The following HMG20A variants were observed in gnomAD, a reference collection of about 807,000 sequenced individuals.
HMG20A encodes the protein high mobility group protein 20A.
A neutral mutation model predicts 43.9 loss-of-function variants in HMG20A; 17 were observed. The ratio of observed to expected loss-of-function variants is 0.39; its 90% CI spans 0.27 to 0.58. The LOEUF is 0.58. Ranked by LOEUF, HMG20A falls within the 20% of genes least tolerant of loss-of-function variation. The probability of loss-of-function intolerance (pLI) is 0.59; values close to 1 mark genes in which losing one functional copy is unlikely to be tolerated. For synonymous variants in HMG20A, 132 were observed against 147.5 expected (o/e 0.89, Z 0.76); for missense variants, 341 against 438.2 (o/e 0.78, Z 1.98).
At chr15:77,443,536 C>T (rs368079056) in intron 1 of HMG20A, among the ~76,000 whole-genome samples, 3 of 150,082 alleles carry the variant, frequency 2.0e-5, no homozygotes, top group East Asian at 2.0e-4. Flanking sequence ...GGATTACAGG[C>T]GCCCACCACC....
chr15:77,485,688 C>G (rs1267468989), downstream of HMG20A: 1 of 152,214 alleles, frequency 6.6e-6, no homozygotes, highest in Non-Finnish European at 1.5e-5. Flanking sequence ...AATCCCAACA[C>G]TTTGGAAGGC....
the HMG20A span, among the ~76,000 whole-genome samples, chr15:77,504,223 G>A: frequency 3.3e-5 from 5 of 152,220 alleles, no homozygotes; most frequent in African/African-American, 4.8e-5. Flanking sequence ...CCCACACCTA[G>A]CCTAGTGGCA....
the HMG20A span, among the ~76,000 whole-genome samples, chr15:77,500,857 C>T: frequency 6.6e-6 from 1 of 151,692 alleles, no homozygotes; most frequent in Non-Finnish European, 1.5e-5. Context: ...GCATGAGCCA[C>T]CGCGCCTGGC....
chr15:77,449,912 A>T (rs181237816), intron 1 of HMG20A, among the ~76,000 whole-genome samples: 1 of 152,242 alleles, frequency 6.6e-6, no homozygotes, highest in South Asian at 2.1e-4. Flanking sequence ...TATCACGTAG[A>T]AAGTTTCACT....
chr15:77,468,597 T>TCA (rs141417839), intron 4 of HMG20A, among the ~76,000 whole-genome samples: 8,379 of 147,672 alleles, frequency 0.057, 556 homozygotes, highest in African/African-American at 0.17. Flanking sequence ...TCTCTCTCTG[T>TCA]CACACACACA....
At chr15:77,493,977 A>G in the HMG20A span, among the ~76,000 whole-genome samples, 1 of 152,274 alleles carries the variant, frequency 6.6e-6, no homozygotes, top group African/African-American at 2.4e-5. Context: ...CTGGACTTGG[A>G]ATGACTTTTA....
intron 1 of HMG20A, among the ~76,000 whole-genome samples, chr15:77,454,164 A>T (rs2072632980): frequency 7.4e-6 from 1 of 135,692 alleles, no homozygotes; most frequent in African/African-American, 2.8e-5. Context: ...CCTGTCTCTT[A>T]AAAAAAAAAA....
At chr15:77,421,186 T>G in intron 1 of HMG20A, 182 bp downstream of exon 1, 5 of 272,696 alleles carry the variant, frequency 1.8e-5, no homozygotes, top group East Asian at 6.2e-5. Context: ...GGGGACACCC[T>G]CACTTCCTGT....
the HMG20A span, among the ~76,000 whole-genome samples, chr15:77,506,005 C>A: frequency 6.6e-6 from 1 of 151,718 alleles, no homozygotes; most frequent in Non-Finnish European, 1.5e-5. Flanking sequence ...GGATAAACTA[C>A]CTGAGTTTCT....
At chr15:77,467,921 A>G (rs994577941) in intron 4 of HMG20A, among the ~76,000 whole-genome samples, 3 of 152,258 alleles carry the variant, frequency 2.0e-5, no homozygotes, top group African/African-American at 4.8e-5. Context: ...AGCAGTGGTC[A>G]TGGTTGTGGG....
chr15:77,463,857 T>C (rs1162174652), intron 2 of HMG20A, among the ~76,000 whole-genome samples: 1 of 152,212 alleles, frequency 6.6e-6, no homozygotes, highest in African/African-American at 2.4e-5. Context: ...ACAACTCCCA[T>C]TGCTATTCAC....
chr15:77,436,682 C>T (rs2073552492), intron 1 of HMG20A, among the ~76,000 whole-genome samples: 1 of 152,122 alleles, frequency 6.6e-6, no homozygotes, highest in Admixed American at 6.5e-5. Context: ...TTGTCTCAAA[C>T]TCCCAATCTC....
intron 1 of HMG20A, among the ~76,000 whole-genome samples, chr15:77,445,990 G>A (rs1478828569): frequency 6.6e-6 from 1 of 152,222 alleles, no homozygotes; most frequent in East Asian, 1.9e-4. Context: ...GGGGACTACC[G>A]TCTATGCTGA....
intron 2 of HMG20A, among the ~76,000 whole-genome samples, 159 bp from the exon 3 acceptor site, chr15:77,464,081 G>A (rs559438378): frequency 2.0e-5 from 3 of 152,158 alleles, no homozygotes; most frequent in East Asian, 3.8e-4. Context: ...TTTTTAAAAC[G>A]CCCTGTAACG....
downstream of HMG20A, among the ~76,000 whole-genome samples, chr15:77,487,996 A>T (rs73448701): frequency 3.3e-5 from 5 of 152,318 alleles, no homozygotes; most frequent in African/African-American, 1.2e-4. Flanking sequence ...TACAGGGGGA[A>T]ACTTTTGCCA....
the HMG20A span, among the ~76,000 whole-genome samples, chr15:77,503,764 G>C: frequency 6.6e-6 from 1 of 152,194 alleles, no homozygotes; most frequent in Non-Finnish European, 1.5e-5. Context: ...ATCACCAGAG[G>C]ATCTCGTTAA....
intron 1 of HMG20A, among the ~76,000 whole-genome samples, chr15:77,431,609 C>T (rs1031030019): frequency 2.6e-5 from 4 of 152,030 alleles, no homozygotes; most frequent in Admixed American, 1.3e-4. Flanking sequence ...AGCTAAATTG[C>T]GCTAATTAAC....
intron 1 of HMG20A, among the ~76,000 whole-genome samples, chr15:77,428,456 A>G (rs1188083385): frequency 6.6e-6 from 1 of 152,242 alleles, no homozygotes; most frequent in African/African-American, 2.4e-5. Flanking sequence ...ACAAGATAAG[A>G]TATTCAAAGC....
chr15:77,473,856 G>C (rs1032887118), intron 6 of HMG20A, among the ~76,000 whole-genome samples: 1 of 152,200 alleles, frequency 6.6e-6, no homozygotes, highest in Non-Finnish European at 1.5e-5. Flanking sequence ...AGTAGGTTCT[G>C]TAAATCCATG....
Sources: allele counts gnomAD v4.1 joint callset (sites outside exome capture counted in the v4.1 genomes callset), GRCh38; gene constraint gnomAD v4.1.1; transcripts MANE v1.5; gene names NCBI Gene and HGNC (gene_info 2026-07-23, HGNC 2026-07-21).